Variants in CUX1 observed in about 807,000 individuals in gnomAD.
CUX1 encodes the protein protein CASP.
Under a neutral mutation model 158.8 loss-of-function variants are expected in CUX1, and 31 were observed. The ratio of observed to expected loss-of-function variants is 0.20; its 90% CI spans 0.15 to 0.26. The LOEUF (loss-of-function observed/expected upper bound fraction) is 0.26. Among genes scored for constraint, CUX1 ranks in the 10% least tolerant of loss-of-function variants. The probability of loss-of-function intolerance (pLI) is 1.00; values close to 1 mark genes in which losing one functional copy is unlikely to be tolerated. For synonymous variants in CUX1, 879 were observed against 862.1 expected (o/e 1.02, Z -0.34); for missense variants, 1,589 against 2,014.6 (o/e 0.79, Z 4.04).
intron 2 of CUX1, among the ~76,000 whole-genome samples, chr7:101,953,371 G>C (rs1009293973): frequency 2.0e-5 from 3 of 152,158 alleles, no homozygotes; most frequent in African/African-American, 7.2e-5. Flanking sequence ...TGGCTTCTTG[G>C]AGAAAGGTAC....
intron 1 of CUX1, among the ~76,000 whole-genome samples, chr7:101,911,890 A>G (rs1803528521): frequency 6.6e-6 from 1 of 152,220 alleles, no homozygotes; most frequent in Non-Finnish European, 1.5e-5. Context: ...GCCTCCTGAC[A>G]TCAGTCATCC....
intron 1 of CUX1, among the ~76,000 whole-genome samples, chr7:101,849,990 T>A (rs181052401): frequency 6.8e-5 from 10 of 148,012 alleles, no homozygotes; most frequent in South Asian, 4.3e-4. Flanking sequence ...GCGATCTAGA[T>A]CTTGGCTCAC....
intron 1 of CUX1, among the ~76,000 whole-genome samples, chr7:101,884,202 GT>G (rs1252752998): frequency 6.6e-6 from 1 of 152,186 alleles, no homozygotes; most frequent in African/African-American, 2.4e-5. Flanking sequence ...CCAATTTTTA[GT>G]TATTGTGGAT....
At chr7:102,203,187 C>T (rs1173738615) in intron 18 of CUX1, among the ~76,000 whole-genome samples, 1 of 152,088 alleles carries the variant, frequency 6.6e-6, no homozygotes, top group African/African-American at 2.4e-5. Context: ...GGCTGGTCTC[C>T]TGACCTCAAG....
At chr7:102,274,694 C>T (rs1431439738) in intron 16 of CUX1, among the ~76,000 whole-genome samples, 1 of 152,216 alleles carries the variant, frequency 6.6e-6, no homozygotes, top group Non-Finnish European at 1.5e-5. Flanking sequence ...GGGGCCCTGA[C>T]CCTTCAGCCC....
At position 102,254,716 on chromosome 7, in the gene CUX1, C is replaced by T. The variant is rs2132684413; in HGVS notation, c.*5674C>T. The T allele has an allele frequency of 3.0e-6, 3 of 985,490 alleles. No homozygotes were observed. Among genetic ancestry groups the T allele is most frequent in the Non-Finnish European group, 3.6e-6 (3 of 829,962 alleles). 61.0% of individuals were successfully genotyped at this position (985,490 alleles called of 1,614,324 possible). On this transcript the variant is annotated 3_prime_UTR_variant, in exon 24 of 24. Transcript: ENST00000292535. ...TGGGCATCGACGACATTAGGGAAGC[C>T]TTTGTGACCACAAGGGCAGGGCTTG...
At position 102,205,223 on chromosome 7, in the gene CUX1, G is replaced by A. The variant is rs1200965719; in HGVS notation, c.3130+53G>A. On this transcript the variant is annotated intron_variant, in intron 20 of 23. Transcript: ENST00000292535. Reference sequence around the variant, plus strand: ...CATGAAATGTCTCACTGCCTTTTCTGTTGTCCCGTGCTGTGGTCTGTCCCG... The same window carrying A: ...CATGAAATGTCTCACTGCCTTTTCTATTGTCCCGTGCTGTGGTCTGTCCCG... The A allele has an allele frequency of 6.8e-6, 9 of 1,328,250 alleles. No individual in the cohort carries two copies. In the East Asian group the frequency reaches 1.4e-4, roughly 20 times the overall value. The allele number at this position is 1,328,250 out of a possible 1,614,324, so 82.3% of individuals were successfully genotyped here.
chr7:102,029,761 G>C (rs985086676), intron 3 of CUX1, among the ~76,000 whole-genome samples: 1 of 152,132 alleles, frequency 6.6e-6, no homozygotes, highest in Non-Finnish European at 1.5e-5. Context: ...GGATGGACTT[G>C]AACAGTCTTT....
intron 1 of CUX1, among the ~76,000 whole-genome samples, chr7:101,860,105 T>G (rs896779241): frequency 4.0e-5 from 6 of 151,888 alleles, no homozygotes; most frequent in African/African-American, 1.5e-4. Context: ...CTCTTCTTCC[T>G]TTTTTCTTTT....
At chr7:102,027,923 C>T (rs189431698) in intron 2 of CUX1, among the ~76,000 whole-genome samples, 175 bp from the exon 3 acceptor site, 27 of 152,312 alleles carry the variant, frequency 1.8e-4, no homozygotes, top group African/African-American at 4.8e-5. Context: ...AATCCTGAAG[C>T]GCCAGTTGGC....
chr7:102,159,505 C>G (rs1232931767), intron 9 of CUX1, among the ~76,000 whole-genome samples: 1 of 152,206 alleles, frequency 6.6e-6, no homozygotes. Flanking sequence ...TTCCTCCCCC[C>G]AGGAGCCCAC....
chr7:102,087,667 A>T (rs1169892946), intron 4 of CUX1, among the ~76,000 whole-genome samples: 1 of 152,164 alleles, frequency 6.6e-6, no homozygotes, highest in Non-Finnish European at 1.5e-5. Flanking sequence ...TAAGAATCTT[A>T]TAATACATTG....
At chr7:102,050,183 A>G (rs1823315545) in intron 3 of CUX1, among the ~76,000 whole-genome samples, 1 of 152,082 alleles carries the variant, frequency 6.6e-6, no homozygotes, top group Non-Finnish European at 1.5e-5. Context: ...TGACATCATC[A>G]TTTGCCAGCG....
At chr7:102,267,873 G>A (rs1790925072) in intron 14 of CUX1, among the ~76,000 whole-genome samples, 1 of 152,056 alleles carries the variant, frequency 6.6e-6, no homozygotes, top group Non-Finnish European at 1.5e-5. Context: ...TTGCCATGTT[G>A]CCCGTGCTGG....
chr7:102,265,278 C>A (rs1314474773), intron 14 of CUX1, among the ~76,000 whole-genome samples: 1 of 151,442 alleles, frequency 6.6e-6, no homozygotes, highest in African/African-American at 2.4e-5. Flanking sequence ...ATTGCTTGAA[C>A]CCCGGAGGCA....
chr7:102,124,378 C>T (rs1250224720), intron 8 of CUX1, among the ~76,000 whole-genome samples: 2 of 152,254 alleles, frequency 1.3e-5, no homozygotes, highest in Non-Finnish European at 2.9e-5. Flanking sequence ...GGCATACCTG[C>T]ACTCACACGT....
chr7:102,225,163 G>A (rs1420583905), intron 20 of CUX1, among the ~76,000 whole-genome samples: 4 of 152,074 alleles, frequency 2.6e-5, no homozygotes, highest in South Asian at 2.1e-4. Flanking sequence ...TGCCTCTTAC[G>A]CTTGTCTCTT....
chr7:101,913,496 C>G (rs980480705), intron 1 of CUX1: 2 of 1,030,098 alleles, frequency 1.9e-6, no homozygotes, highest in Non-Finnish European at 1.3e-6. Context: ...CAGGCAGGCT[C>G]TCTGACAGAT....
intron 1 of CUX1, among the ~76,000 whole-genome samples, chr7:101,915,221 A>G (rs1239872325): frequency 3.9e-5 from 6 of 152,178 alleles, no homozygotes; most frequent in Non-Finnish European, 8.8e-5. Context: ...TCAGCCTGGA[A>G]CACCATTCTG....
Sources: allele counts gnomAD v4.1 joint callset (sites outside exome capture counted in the v4.1 genomes callset), GRCh38; gene constraint gnomAD v4.1.1; transcripts MANE v1.5; gene names NCBI Gene and HGNC (gene_info 2026-07-23, HGNC 2026-07-21).